The following ETV6 variants were observed in gnomAD, a reference collection of about 807,000 sequenced individuals.
ETV6 encodes transcription factor ETV6.
Under a neutral mutation model 51.1 loss-of-function variants are expected in ETV6, and 16 were observed. That is an observed-to-expected ratio of 0.31 (90% CI 0.21 to 0.48). The LOEUF (loss-of-function observed/expected upper bound fraction) is 0.48, where lower values mean the gene tolerates loss of function less well. ETV6 is among the 20% of genes least tolerant of loss of function. The pLI is 0.99. For missense variants in ETV6, 458 were observed against 594.8 expected, an observed-to-expected ratio of 0.77 and a Z score of 2.39; for synonymous variants, 240 against 224.1, an observed-to-expected ratio of 1.07 and a Z score of -0.64.
chr12:11,669,377 C>CCCTTCCTCCCTT (rs372374082), intron 1 of ETV6, among the ~76,000 whole-genome samples: 1 of 135,842 alleles, frequency 7.4e-6, no homozygotes, highest in African/African-American at 3.2e-5. Context: ...CTCCCTTCCT[C>CCCTTCCTCCCTT]CCTCCCTCCC....
Position 11,650,157 on chromosome 12 carries a change from T to C in ETV6, c.30T>C (p.Ile10=). The C allele has an allele frequency of 1.2e-6, 2 of 1,613,382 alleles. 1 individual carries two copies. The stretch of plus-strand genomic sequence containing the variant: ...CTGAGACTCCTGCTCAGTGTAGCAT[T>C]AAGGTAAAAATCTTCTCCCCTCCTT... MSETPAQCS[I]KQERISYTPP... is the part of the protein sequence containing the mutation. The change falls in exon 1 of 8, where the codon ATT becomes ATC. Residue 10 remains isoleucine (I), a synonymous_variant. Transcript: ENST00000396373.
chr12:11,716,409 T>C (rs917271032), intron 1 of ETV6, among the ~76,000 whole-genome samples: 23 of 148,754 alleles, frequency 1.5e-4, no homozygotes, highest in African/African-American at 5.7e-4. Context: ...ATCTGGTGAA[T>C]TGGGAGTGAT....
chr12:11,856,670 C>CCT (rs964319784), intron 4 of ETV6, among the ~76,000 whole-genome samples: 1 of 152,014 alleles, frequency 6.6e-6, no homozygotes, highest in African/African-American at 2.4e-5. Flanking sequence ...CCAGCTACTT[C>CCT]CTCTCTCTCT....
intron 1 of ETV6, among the ~76,000 whole-genome samples, 165 bp from the exon 2 acceptor site, chr12:11,752,285 G>C (rs150837818): frequency 6.6e-6 from 1 of 152,170 alleles, no homozygotes; most frequent in African/African-American, 2.4e-5. Context: ...AAAGACAACT[G>C]TATACAGTGT....
chr12:11,758,648 C>T (rs1279625024), intron 2 of ETV6, among the ~76,000 whole-genome samples: 2 of 152,180 alleles, frequency 1.3e-5, no homozygotes, highest in Non-Finnish European at 2.9e-5. Context: ...GAATCTCCTT[C>T]AGCCTTCCCC....
At chr12:11,806,823 A>G (rs1321645492) in intron 2 of ETV6, among the ~76,000 whole-genome samples, 1 of 152,162 alleles carries the variant, frequency 6.6e-6, no homozygotes, top group African/African-American at 2.4e-5. Flanking sequence ...TAGTCCTCAC[A>G]CCTTTGCCGG....
intron 2 of ETV6, among the ~76,000 whole-genome samples, chr12:11,754,314 A>G (rs79151250): frequency 3.3e-5 from 5 of 151,934 alleles, no homozygotes; most frequent in African/African-American, 1.2e-4. Context: ...TAGCACAGAG[A>G]AAAAAAAAGT....
intron 3 of ETV6, 26 bp from the exon 4 acceptor site, chr12:11,853,401 G>C (rs370320748): frequency 6.2e-7 from 1 of 1,613,580 alleles, no homozygotes; most frequent in Non-Finnish European, 8.5e-7. Context: ...TCCATTTCTC[G>C]ATTTCCCTTT....
intron 1 of ETV6, among the ~76,000 whole-genome samples, chr12:11,700,365 A>G (rs1387138373): frequency 6.6e-6 from 1 of 152,158 alleles, no homozygotes; most frequent in African/African-American, 2.4e-5. Context: ...TAGGTTTTCA[A>G]CCTTAACCTG....
At chr12:11,816,471 C>A (rs373761823) in intron 2 of ETV6, among the ~76,000 whole-genome samples, 1 of 152,168 alleles carries the variant, frequency 6.6e-6, no homozygotes, top group Non-Finnish European at 1.5e-5. Context: ...TGGTCTCGAT[C>A]TCCTGACCTC....
intron 4 of ETV6, among the ~76,000 whole-genome samples, chr12:11,868,911 G>T (rs930218394): frequency 2.6e-5 from 4 of 152,056 alleles, no homozygotes; most frequent in South Asian, 2.1e-4. Context: ...GACATCCTTA[G>T]GTTGTCTGGC....
Position 11,866,746 on chromosome 12 carries a change from C to T in ETV6, c.464-2678C>T, listed in dbSNP as rs187498502. Among the ~76,000 whole-genome samples the T allele has an allele frequency of 5.3e-5, 8 of 152,312 alleles. No homozygotes were observed. In the South Asian group the frequency reaches 8.3e-4, roughly 16 times the overall value. Reference sequence around the variant, plus strand: ...TGCAGTAGCCAGTAGCTGAGGTTTCCGCTTAGATCTTTTGATTATACAACT... The same window carrying T: ...TGCAGTAGCCAGTAGCTGAGGTTTCTGCTTAGATCTTTTGATTATACAACT... On this transcript the variant is annotated intron_variant, in intron 4 of 7. Coordinates refer to ENST00000396373, the MANE Select transcript of ETV6 (RefSeq NM_001987.5).
At chr12:11,768,837 T>C in intron 2 of ETV6, 1 of 444,268 alleles carries the variant, frequency 2.3e-6, no homozygotes, top group South Asian at 1.6e-5. Context: ...GAAATCTGCC[T>C]ACCACATTCC....
intron 1 of ETV6, among the ~76,000 whole-genome samples, chr12:11,713,613 CA>C (rs1049201977): frequency 2.6e-5 from 4 of 152,148 alleles, no homozygotes; most frequent in Non-Finnish European, 4.4e-5. Context: ...GTCTTCCACT[CA>C]GGGGGGCTTT....
chr12:11,869,221 G>A lies in ETV6; in HGVS notation c.464-203G>A, dbSNP rs191955159. Among the ~76,000 whole-genome samples, 1 of 149,124 alleles carries A rather than the reference G, an allele frequency of 6.7e-6. No homozygotes were observed. Among genetic ancestry groups the A allele is most frequent in the Admixed American group, 6.7e-5 (1 of 14,912 alleles). ...ACTGCACTCCAGCCTGGGCAACAGA[G>A]TGAGACTCCATCTCAAACAGAAAAA... On this transcript the variant is annotated intron_variant, in intron 4 of 7. Transcript: ENST00000396373. The surrounding 1 kb of genome is among the most constrained non-coding windows in gnomAD (Gnocchi z 5.0).
intron 1 of ETV6, among the ~76,000 whole-genome samples, chr12:11,722,906 C>A (rs1865417029): frequency 6.6e-6 from 1 of 152,192 alleles, no homozygotes. Flanking sequence ...AGTTGCTGGG[C>A]CGTTCTCTCA....
chr12:11,857,141 G>C (rs929212234), intron 4 of ETV6, among the ~76,000 whole-genome samples: 2 of 152,234 alleles, frequency 1.3e-5, no homozygotes, highest in Admixed American at 1.3e-4. Flanking sequence ...AACTTAACCA[G>C]TTCAGACATT....
intron 2 of ETV6, among the ~76,000 whole-genome samples, chr12:11,771,576 G>T (rs574668227): frequency 2.6e-5 from 4 of 152,104 alleles, no homozygotes; most frequent in Admixed American, 2.6e-4. Context: ...TCAACATGGC[G>T]CCAATGACAA....
intron 4 of ETV6, among the ~76,000 whole-genome samples, chr12:11,855,022 G>A (rs572882847): frequency 1.3e-5 from 2 of 152,102 alleles, no homozygotes; most frequent in South Asian, 2.1e-4. Context: ...GAGGCCAGGC[G>A]CGGTGGCTCA....
Sources: gnomAD v4.1 joint callset for allele counts (sites outside exome capture counted in the v4.1 genomes callset) on GRCh38, gnomAD v4.1.1 for gene constraint, Gnocchi (gnomAD v3.1) non-coding constraint, MANE v1.5 for transcripts, NCBI Gene and HGNC (gene_info 2026-07-23, HGNC 2026-07-21) for gene names.